The following MAP2K5 variants were observed in gnomAD, a reference collection of about 807,000 sequenced individuals.
The protein encoded by MAP2K5 is dual specificity mitogen-activated protein kinase kinase 5.
MAP2K5 carries 49 observed loss-of-function variants against 83.1 expected under a neutral mutation model. The ratio of observed to expected loss-of-function variants is 0.59; its 90% confidence interval spans 0.47 to 0.75. The LOEUF (loss-of-function observed/expected upper bound fraction) is 0.75. Among genes scored for constraint, MAP2K5 ranks in the 30% least tolerant of loss-of-function variants. The probability of loss-of-function intolerance (pLI) is 0.00; values close to 1 mark genes in which losing one functional copy is unlikely to be tolerated. For missense variants in MAP2K5, 457 were observed against 557.5 expected (o/e 0.82, Z 1.82); for synonymous variants, 202 against 191.8 (o/e 1.05, Z -0.44).
rs920248156 is a variant in MAP2K5 at position 67,573,507 on chromosome 15, A to G, written c.253-7247A>G. 2.6e-5 allele frequency among the ~76,000 whole-genome samples: 4 copies of G among 152,080 alleles called. No homozygotes were observed. Among genetic ancestry groups the G allele is most frequent in the Non-Finnish European group, 5.9e-5 (4 of 68,002 alleles). ...GGAAATCCACCCCCATGATCCAGTCATCTCTCACAGGACCCCTCCTCCAAT... is the reference window on the plus strand; with the variant it reads ...GGAAATCCACCCCCATGATCCAGTCGTCTCTCACAGGACCCCTCCTCCAAT... On this transcript the variant is annotated intron_variant, in intron 3 of 21. Coordinates refer to ENST00000178640, the MANE Select transcript of MAP2K5 (RefSeq NM_145160.3). This position sits in a 1 kb window ranked among gnomAD's most constrained non-coding sequence, Gnocchi z 4.2.
chr15:67,694,750 C>G (rs561664663), intron 15 of MAP2K5, among the ~76,000 whole-genome samples: 50 of 152,114 alleles, frequency 3.3e-4, no homozygotes, highest in African/African-American at 1.2e-3. Flanking sequence ...CCAGCCATCC[C>G]ATTACCAGGT....
At chr15:67,570,219 T>C (rs2084924800) in intron 3 of MAP2K5, among the ~76,000 whole-genome samples, 1 of 152,270 alleles carries the variant, frequency 6.6e-6, no homozygotes, top group Non-Finnish European at 1.5e-5. Context: ...AAGTCCTTTA[T>C]GGTTTTAACC....
Position 67,648,688 on chromosome 15 carries a change from G to A in MAP2K5, c.736+2219G>A, listed in dbSNP as rs180986310. On this transcript the variant is annotated intron_variant, in intron 11 of 21. Coordinates refer to ENST00000178640, the MANE Select transcript of MAP2K5 (RefSeq NM_145160.3). ...CAACCTCCACCTCCTGGGTTCAAGC[G>A]ATTCTCCTGCCTCAGCCTCCCGAGT... is the stretch of plus-strand genomic sequence containing the variant. Among the ~76,000 whole-genome samples, 301 of 150,868 alleles carry A rather than the reference G, an allele frequency of 2.0e-3. 1 individual carries two copies. The highest frequency in any genetic ancestry group is 0.017 in the Middle Eastern group (5 of 290).
At chr15:67,805,689 G>C (rs9972436) in intron 21 of MAP2K5, among the ~76,000 whole-genome samples, 58,998 of 151,996 alleles carry the variant, frequency 0.39, 12,261 homozygotes, top group East Asian at 0.69. Context: ...CCCATTCTCT[G>C]TCCTCGCTAT....
Position 67,769,777 on chromosome 15 carries a change from C to CT in MAP2K5, c.1196+116dup. On this transcript the variant is annotated intron_variant, in intron 20 of 21. Coordinates refer to ENST00000178640, the MANE Select transcript of MAP2K5 (RefSeq NM_145160.3). This position sits in a 1 kb window ranked among gnomAD's most constrained non-coding sequence, Gnocchi z 5.2. ...TGCATCCTTTTGGAGACAGGAGGGA[C>CT]TTCGGGGCCTTGGGCAGATGGGGCA... The CT allele has an allele frequency of 1.0e-6, 1 of 988,438 alleles. No homozygotes were observed. The highest frequency in any genetic ancestry group is 1.6e-6 in the Non-Finnish European group (1 of 644,280). 61.2% of individuals were successfully genotyped at this position (988,438 alleles called of 1,614,324 possible).
At chr15:67,547,759 G>A (rs1806482) in intron 1 of MAP2K5, among the ~76,000 whole-genome samples, 22,428 of 152,026 alleles carry the variant, frequency 0.15, 2,148 homozygotes, top group African/African-American at 0.26. Context: ...GCCCATCCCG[G>A]TTTTCTTTTG....
At chr15:67,656,418 G>A (rs369429159) in intron 11 of MAP2K5, among the ~76,000 whole-genome samples, 30 of 150,674 alleles carry the variant, frequency 2.0e-4, no homozygotes, top group South Asian at 6.3e-4. Flanking sequence ...TTCACCTCCC[G>A]GGTTCAAGCA....
In MAP2K5 at chr15:67,690,725, G is replaced by T. The variant is rs1193416737; in HGVS notation, c.848-1754G>T. 6.6e-6 allele frequency among the ~76,000 whole-genome samples: 1 copy of T among 151,994 alleles called. No individual in the cohort carries two copies. Among genetic ancestry groups the T allele is most frequent in the Non-Finnish European group, 1.5e-5 (1 of 68,014 alleles). On this transcript the variant is annotated intron_variant, in intron 13 of 21. Coordinates refer to ENST00000178640, the MANE Select transcript of MAP2K5 (RefSeq NM_145160.3). This position sits in a 1 kb window ranked among gnomAD's most constrained non-coding sequence, Gnocchi z 4.3. ...ATTTTTGTATTTTTAGTAGAGATGAGGTTTTGCCATGTTGGCCAGGCTGGT... is the reference window on the plus strand; with the variant it reads ...ATTTTTGTATTTTTAGTAGAGATGATGTTTTGCCATGTTGGCCAGGCTGGT...
At position 67,736,560 on chromosome 15, in the gene MAP2K5, T is replaced by C. The variant is rs3784702; in HGVS notation, c.1074+8615T>C. On this transcript the variant is annotated intron_variant, in intron 17 of 21. Transcript: ENST00000178640. This position sits in a 1 kb window ranked among gnomAD's most constrained non-coding sequence, Gnocchi z 4.3. ...CACCAGGTAGGACTAAAATGAATTATTTTTCTGATCCCACAAGAGCCTTCC... is the reference window on the plus strand; with the variant it reads ...CACCAGGTAGGACTAAAATGAATTACTTTTCTGATCCCACAAGAGCCTTCC... Among the ~76,000 whole-genome samples, 657 of 152,324 alleles carry C rather than the reference T, an allele frequency of 4.3e-3. 30 individuals are homozygous for C. The East Asian group carries it at 0.077, about 18-fold the overall frequency.
chr15:67,705,365 G>A (rs371493858), intron 16 of MAP2K5, among the ~76,000 whole-genome samples: 17 of 152,286 alleles, frequency 1.1e-4, no homozygotes, highest in East Asian at 9.6e-4. Context: ...GCTGGGGCAT[G>A]AGGGGAAGGA....
In MAP2K5 at chr15:67,638,586, C is replaced by T. The variant is rs146045367; in HGVS notation, c.586-7645C>T. Reference sequence around the variant, plus strand: ...GCTTTATATTCATTTGGGTATATACCCAGTAATGGGATTGCTGGGTCAAAT... The same window carrying T: ...GCTTTATATTCATTTGGGTATATACTCAGTAATGGGATTGCTGGGTCAAAT... On this transcript the variant is annotated intron_variant, in intron 9 of 21. Coordinates refer to ENST00000178640, the MANE Select transcript of MAP2K5 (RefSeq NM_145160.3). This position sits in a 1 kb window ranked among gnomAD's most constrained non-coding sequence, Gnocchi z 4.5. Among the ~76,000 whole-genome samples the T allele has an allele frequency of 4.3e-3, 652 of 152,174 alleles. 6 individuals are homozygous for T. Among genetic ancestry groups the T allele is most frequent in the African/African-American group, 0.014 (587 of 41,508 alleles).
chr15:67,632,895 G>A (rs1255269907), intron 9 of MAP2K5, among the ~76,000 whole-genome samples: 1 of 152,140 alleles, frequency 6.6e-6, no homozygotes, highest in Admixed American at 6.5e-5. Flanking sequence ...GTGTTACGTG[G>A]CATTATCAAG....
intron 16 of MAP2K5, among the ~76,000 whole-genome samples, chr15:67,714,706 A>G (rs1045600724): frequency 6.6e-6 from 1 of 152,144 alleles, no homozygotes; most frequent in African/African-American, 2.4e-5. Context: ...CTACATGTTG[A>G]ATATTCCTAA....
At chr15:67,766,842 C>T (rs2090050463) in intron 19 of MAP2K5, among the ~76,000 whole-genome samples, 1 of 152,198 alleles carries the variant, frequency 6.6e-6, no homozygotes, top group Non-Finnish European at 1.5e-5. Context: ...CAGAAAACGC[C>T]TTTGCCCAGT....
chr15:67,800,420 A>G (rs1290565951), intron 21 of MAP2K5, among the ~76,000 whole-genome samples: 1 of 152,210 alleles, frequency 6.6e-6, no homozygotes, highest in East Asian at 1.9e-4. Flanking sequence ...CACAAGGGCC[A>G]GTGGCAATCT....
At chr15:67,721,243 G>A (rs1172933993) in intron 16 of MAP2K5, among the ~76,000 whole-genome samples, 1 of 152,020 alleles carries the variant, frequency 6.6e-6, no homozygotes, top group East Asian at 1.9e-4. Flanking sequence ...AATAATCTGG[G>A]ACAGAATGCA....
intron 8 of MAP2K5, chr15:67,628,340 C>T (rs1170019414): frequency 1.4e-5 from 7 of 514,470 alleles, no homozygotes; most frequent in South Asian, 9.1e-5. Flanking sequence ...ATTAGCTGGT[C>T]GTGGTGGCAG....
At chr15:67,575,991 C>T (rs1301713829) in intron 3 of MAP2K5, among the ~76,000 whole-genome samples, 1 of 142,824 alleles carries the variant, frequency 7.0e-6, no homozygotes, top group Admixed American at 7.1e-5. Context: ...ACGATCTCGG[C>T]TCACTGCAAC....
rs1022404987 is a variant in MAP2K5, at chr15:67,749,366, T to G, written c.1134+765T>G. ...CATTTTCTTTAAAAACTGAGATTTT[T>G]GGGGCTTGGGTTTGCCTACTAGCAA... is the stretch of plus-strand genomic sequence containing the variant. On this transcript the variant is annotated intron_variant, in intron 19 of 21. Transcript: ENST00000178640. The surrounding 1 kb of genome is among the most constrained non-coding windows in gnomAD (Gnocchi z 4.6). 6.6e-5 allele frequency among the ~76,000 whole-genome samples: 10 copies of G among 152,242 alleles called. No individual in the cohort carries two copies. The highest frequency in any genetic ancestry group is 2.1e-4 in the South Asian group (1 of 4,834).
Sources: gnomAD v4.1 joint callset for allele counts (sites outside exome capture counted in the v4.1 genomes callset) on GRCh38, gnomAD v4.1.1 for gene constraint, Gnocchi (gnomAD v3.1) non-coding constraint, MANE v1.5 for transcripts, NCBI Gene and HGNC (gene_info 2026-07-23, HGNC 2026-07-21) for gene names.